Variants in DOCK4 observed in about 807,000 individuals in gnomAD.
The protein encoded by DOCK4 is dedicator of cytokinesis protein 4.
DOCK4 carries 97 observed loss-of-function variants against 268.1 expected under a neutral mutation model. That is an observed-to-expected ratio of 0.36 (90% CI 0.31 to 0.43). The LOEUF (loss-of-function observed/expected upper bound fraction) is 0.43, where lower values mean the gene tolerates loss of function less well. Ranked by LOEUF, DOCK4 falls within the 20% of genes least tolerant of loss-of-function variation. The probability of loss-of-function intolerance (pLI) is 1.00; values close to 1 mark genes in which losing one functional copy is unlikely to be tolerated. For missense variants in DOCK4, 2,145 were observed against 2,455.7 expected (o/e 0.87, Z 2.67); for synonymous variants, 954 against 887.2 (o/e 1.08, Z -1.34).
In DOCK4 at chr7:112,114,854, C is replaced by CA. The variant is rs1811980965; in HGVS notation, c.37+91247dup. ...CAGCATTGCTTTTGCACCATTGACA[C>CA]AAACATCAAATCCAAAGTAAAAAGG... is the stretch of plus-strand genomic sequence containing the variant. On this transcript the variant is annotated intron_variant, in intron 1 of 52. Coordinates refer to ENST00000428084, the MANE Select transcript of DOCK4 (RefSeq NM_001363540.2). Among the ~76,000 whole-genome samples, 4 of 152,260 alleles carry CA rather than the reference C, an allele frequency of 2.6e-5. No homozygotes were observed. The South Asian group carries it at 8.3e-4, about 32-fold the overall frequency.
intron 32 of DOCK4, among the ~76,000 whole-genome samples, chr7:111,785,835 AG>A (rs1799127641): frequency 6.6e-6 from 1 of 152,200 alleles, no homozygotes; most frequent in African/African-American, 2.4e-5. Flanking sequence ...CTAATTGATA[AG>A]GCTGCTCTGT....
chr7:112,205,624 T>C (rs549451795), intron 1 of DOCK4, among the ~76,000 whole-genome samples: 4 of 152,098 alleles, frequency 2.6e-5, no homozygotes, highest in Non-Finnish European at 5.9e-5. Context: ...AGGGAAGGGT[T>C]TGCGCCTCCC....
chr7:111,732,269 G>A lies in DOCK4; in HGVS notation c.5438C>T (p.Thr1813Met), dbSNP rs201119594. 128 of 1,613,996 alleles carry A rather than the reference G, an allele frequency of 7.9e-5. No individual in the cohort carries two copies. Among genetic ancestry groups the A allele is most frequent in the Middle Eastern group, 1.6e-4 (1 of 6,062 alleles). Residue 1813 changes from threonine (T) to methionine (M), a missense_variant, in exon 52 of 53, where the codon ACG becomes ATG. Transcript: ENST00000428084. ...PTQTASPARH[T>M]TSVSPSPAGR... ...GGCAGGCGAGGGGGATACTGATGTC[G>A]TGTGTCTTGCTGGTGAAGCTGTCAA... is the stretch of plus-strand genomic sequence containing the variant.
At chr7:111,768,322 G>T (rs1797893217) in intron 37 of DOCK4, among the ~76,000 whole-genome samples, 2 of 151,966 alleles carry the variant, frequency 1.3e-5, no homozygotes, top group African/African-American at 4.8e-5. Flanking sequence ...ACAGCAGGAG[G>T]GCACAAAAAC....
intron 1 of DOCK4, among the ~76,000 whole-genome samples, chr7:112,203,178 T>C (rs1821094913): frequency 6.6e-6 from 1 of 152,228 alleles, no homozygotes; most frequent in Non-Finnish European, 1.5e-5. Flanking sequence ...CAGCAGTGTC[T>C]AGCCCAGAAT....
chr7:111,755,006 A>C (rs1796925251), intron 42 of DOCK4, among the ~76,000 whole-genome samples: 1 of 152,232 alleles, frequency 6.6e-6, no homozygotes, highest in Non-Finnish European at 1.5e-5. Flanking sequence ...GAAGAGAGTA[A>C]TATAATTGGC....
chr7:112,190,092 C>T (rs1051887243), intron 1 of DOCK4, among the ~76,000 whole-genome samples: 1 of 152,182 alleles, frequency 6.6e-6, no homozygotes, highest in Non-Finnish European at 1.5e-5. Context: ...ATTATACATC[C>T]TGGACAACCT....
rs948979019 is a variant in DOCK4 at position 112,151,208 on chromosome 7, G to A, written c.37+54894C>T. Among the ~76,000 whole-genome samples the A allele has an allele frequency of 2.6e-5, 4 of 152,232 alleles. No individual in the cohort carries two copies. In the East Asian group the frequency reaches 7.7e-4, roughly 29 times the overall value. On this transcript the variant is annotated intron_variant, in intron 1 of 52. Coordinates refer to ENST00000428084, the MANE Select transcript of DOCK4 (RefSeq NM_001363540.2). ...GGCAATTTAGTGGTTAACGCCTGGG[G>A]CTTTGGCATCAGAACGGGAGCTGGT...
At chr7:111,971,861 T>A (rs1210010824) in intron 8 of DOCK4, 1 of 265,050 alleles carries the variant, frequency 3.8e-6, no homozygotes, top group Non-Finnish European at 7.2e-6. Flanking sequence ...GCCAGGGAGG[T>A]CCCTTTTGGG....
At chr7:111,826,452 G>A (rs1802395947) in intron 26 of DOCK4, among the ~76,000 whole-genome samples, 1 of 152,106 alleles carries the variant, frequency 6.6e-6, no homozygotes, top group African/African-American at 2.4e-5. Flanking sequence ...TATAAAAATT[G>A]TTTTGTGCTT....
intron 1 of DOCK4, among the ~76,000 whole-genome samples, chr7:112,184,095 T>C (rs1277920152): frequency 6.6e-6 from 1 of 152,188 alleles, no homozygotes; most frequent in Non-Finnish European, 1.5e-5. Flanking sequence ...TTCTTTGGAA[T>C]TCACTCTTCA....
chr7:112,078,778 T>C (rs1213784730), intron 1 of DOCK4, among the ~76,000 whole-genome samples: 1 of 152,200 alleles, frequency 6.6e-6, no homozygotes, highest in African/African-American at 2.4e-5. Flanking sequence ...CTGCAGAGTC[T>C]GGGTCTCTGC....
At chr7:112,086,677 G>A (rs931798947) in intron 1 of DOCK4, among the ~76,000 whole-genome samples, 3 of 152,020 alleles carry the variant, frequency 2.0e-5, no homozygotes, top group East Asian at 1.9e-4. Context: ...AAATCAACTC[G>A]GGCATGTAAA....
At chr7:112,133,950 G>C (rs757907526) in intron 1 of DOCK4, among the ~76,000 whole-genome samples, 7 of 152,080 alleles carry the variant, frequency 4.6e-5, no homozygotes, top group Non-Finnish European at 7.4e-5. Context: ...GAGTGGGATG[G>C]AATGAAATAG....
At chr7:112,083,219 T>C (rs763192855) in intron 1 of DOCK4, among the ~76,000 whole-genome samples, 4 of 152,094 alleles carry the variant, frequency 2.6e-5, no homozygotes, top group Non-Finnish European at 5.9e-5. Flanking sequence ...TTTTTATTAA[T>C]ATGATCTTAA....
At position 112,069,538 on chromosome 7, in the gene DOCK4, G is replaced by A. The variant is rs911105750; in HGVS notation, c.38-65407C>T. 2.6e-5 allele frequency among the ~76,000 whole-genome samples: 4 copies of A among 152,276 alleles called. No homozygotes were observed. The East Asian group carries it at 7.7e-4, about 29-fold the overall frequency. On this transcript the variant is annotated intron_variant, in intron 1 of 52. Transcript: ENST00000428084. ...CCTTACCTCTAAGACAAAGACAATGGTACCCACCTGTCTCACAGGGTCGTT... is the reference window on the plus strand; with the variant it reads ...CCTTACCTCTAAGACAAAGACAATGATACCCACCTGTCTCACAGGGTCGTT...
At chr7:111,894,907 C>G (rs1369907765) in intron 16 of DOCK4, among the ~76,000 whole-genome samples, 1 of 152,158 alleles carries the variant, frequency 6.6e-6, no homozygotes, top group African/African-American at 2.4e-5. Flanking sequence ...AGACCCAGGT[C>G]AGCAGGACCA....
rs890042986 is a variant in DOCK4 at position 111,735,748 on chromosome 7, A to G, written c.5306-581T>C. On this transcript the variant is annotated intron_variant, in intron 50 of 52. Transcript: ENST00000428084. The stretch of plus-strand genomic sequence containing the variant: ...CTCTGTGCTTCGATAAGATGCAGGA[A>G]TATGGGGCAATCCTGGCAGGAATAA... 1.1e-4 allele frequency among the ~76,000 whole-genome samples: 16 copies of G among 152,334 alleles called. No individual in the cohort carries two copies. In the East Asian group the frequency reaches 3.1e-3, roughly 29 times the overall value.
intron 1 of DOCK4, among the ~76,000 whole-genome samples, chr7:112,054,824 T>C (rs7780980): frequency 0.053 from 8,062 of 152,272 alleles, 735 homozygotes; most frequent in African/African-American, 0.18. Flanking sequence ...TTTGTACTTA[T>C]TCCAAGAAGG....
Sources: gnomAD v4.1 joint callset for allele counts (sites outside exome capture counted in the v4.1 genomes callset) on GRCh38, gnomAD v4.1.1 for gene constraint, MANE v1.5 for transcripts, NCBI Gene and HGNC (gene_info 2026-07-23, HGNC 2026-07-21) for gene names.